The following GALNT14 variants were observed in gnomAD, a reference collection of about 807,000 sequenced individuals.
GALNT14 encodes polypeptide N-acetylgalactosaminyltransferase 14.
Under a neutral mutation model 77.5 loss-of-function variants are expected in GALNT14, and 60 were observed. The observed-to-expected ratio is 0.77, with a 90% confidence interval of 0.63 to 0.96. The LOEUF is 0.96. GALNT14 is among the 40% of genes least tolerant of loss of function. The pLI, the probability that GALNT14 is intolerant of heterozygous loss-of-function variation, is 0.00. For missense variants in GALNT14, 710 were observed against 731.0 expected, an observed-to-expected ratio of 0.97 and a Z score of 0.33; for synonymous variants, 280 against 281.7, an observed-to-expected ratio of 0.99 and a Z score of 0.06.
chr2:30,913,525 T>A (rs1364488265), intron 13 of GALNT14, among the ~76,000 whole-genome samples: 1 of 152,140 alleles, frequency 6.6e-6, no homozygotes, highest in African/African-American at 2.4e-5. Context: ...CTGACCTCCA[T>A]GGGCTGCTGA....
the GALNT14 span, among the ~76,000 whole-genome samples, chr2:30,890,684 C>G: frequency 4.6e-5 from 7 of 152,310 alleles, no homozygotes; most frequent in South Asian, 1.5e-3. Flanking sequence ...TATTTCAGTG[C>G]GAAACCTCCC....
intron 6 of GALNT14, among the ~76,000 whole-genome samples, chr2:30,950,377 A>G (rs1003630103): frequency 1.3e-5 from 2 of 152,242 alleles, no homozygotes; most frequent in Non-Finnish European, 2.9e-5. Context: ...GGAAAACACC[A>G]GCTGAGGACA....
At chr2:31,096,726 A>G (rs1184607086) in intron 1 of GALNT14, among the ~76,000 whole-genome samples, 1 of 152,206 alleles carries the variant, frequency 6.6e-6, no homozygotes, top group Non-Finnish European at 1.5e-5. Context: ...GAGTCTTCTG[A>G]TAATACATGC....
At chr2:30,989,577 T>TATATATATATATATATATATATATAC (rs1407487990) in intron 2 of GALNT14, among the ~76,000 whole-genome samples, 3 of 128,040 alleles carry the variant, frequency 2.3e-5, no homozygotes, top group African/African-American at 1.0e-4. Context: ...TATATATATA[T>TATATATATATATATATATATATATAC]ATATAAAAAT....
intron 1 of GALNT14, among the ~76,000 whole-genome samples, chr2:31,084,686 G>A (rs575079739): frequency 3.9e-5 from 6 of 152,254 alleles, no homozygotes; most frequent in South Asian, 2.1e-4. Flanking sequence ...AACCTCAGTC[G>A]CTTCATCTAA....
chr2:31,093,355 AAG>A (rs1337313909), intron 1 of GALNT14, among the ~76,000 whole-genome samples: 3 of 152,192 alleles, frequency 2.0e-5, no homozygotes, highest in African/African-American at 7.2e-5. Context: ...CATTTTGCAG[AAG>A]CTAGCTTGAG....
At chr2:31,127,349 T>C (rs1442945128) in intron 1 of GALNT14, among the ~76,000 whole-genome samples, 3 of 152,264 alleles carry the variant, frequency 2.0e-5, no homozygotes, top group Non-Finnish European at 4.4e-5. Flanking sequence ...AAGGATTTTA[T>C]ATTTATAAAT....
intron 1 of GALNT14, among the ~76,000 whole-genome samples, chr2:31,111,795 T>C (rs1007357421): frequency 6.6e-6 from 1 of 152,202 alleles, no homozygotes; most frequent in Non-Finnish European, 1.5e-5. Flanking sequence ...GTTAGTCATA[T>C]TTTTCTATGC....
chr2:31,066,417 G>A (rs1674968650), intron 1 of GALNT14, among the ~76,000 whole-genome samples: 3 of 150,470 alleles, frequency 2.0e-5, no homozygotes, highest in South Asian at 2.2e-4. Flanking sequence ...GGGGGCGGGG[G>A]GCGGGGGGGT....
At chr2:31,008,574 A>C (rs1025727058) in intron 1 of GALNT14, among the ~76,000 whole-genome samples, 1 of 152,028 alleles carries the variant, frequency 6.6e-6, no homozygotes, top group African/African-American at 2.4e-5. Flanking sequence ...CTCTCAGCAC[A>C]TTAAGCATTA....
At chr2:31,006,108 C>T (rs1351651608) in intron 1 of GALNT14, among the ~76,000 whole-genome samples, 8 of 152,178 alleles carry the variant, frequency 5.3e-5, no homozygotes, top group Non-Finnish European at 1.2e-4. Context: ...TTCTCCATGC[C>T]TCCCAGGACT....
chr2:31,035,596 C>G (rs1233456487), intron 1 of GALNT14, among the ~76,000 whole-genome samples: 1 of 86,294 alleles, frequency 1.2e-5, no homozygotes, highest in African/African-American at 5.2e-5. Context: ...TATACATATA[C>G]ATATACACAC....
chr2:30,998,447 G>A (rs907950849), intron 1 of GALNT14, among the ~76,000 whole-genome samples: 1 of 152,076 alleles, frequency 6.6e-6, no homozygotes, highest in African/African-American at 2.4e-5. Flanking sequence ...GGTACTACTA[G>A]TTCTCTCTTA....
intron 13 of GALNT14, among the ~76,000 whole-genome samples, chr2:30,919,441 G>A (rs1664898472): frequency 6.6e-6 from 1 of 152,190 alleles, no homozygotes; most frequent in African/African-American, 2.4e-5. Flanking sequence ...TCAACAACGA[G>A]GACGCCCCAG....
intron 9 of GALNT14, among the ~76,000 whole-genome samples, chr2:30,941,550 T>C (rs11888138): frequency 0.12 from 17,768 of 152,262 alleles, 1,331 homozygotes; most frequent in Non-Finnish European, 0.16. Flanking sequence ...TGGGTCTTTC[T>C]GACTGTGCTG....
chr2:31,105,345 T>C (rs1278388992), intron 1 of GALNT14, among the ~76,000 whole-genome samples: 2 of 152,218 alleles, frequency 1.3e-5, no homozygotes, highest in African/African-American at 2.4e-5. Flanking sequence ...CCTGACTTTC[T>C]GGCAAGACAA....
chr2:30,991,971 G>A (rs1354611383), intron 2 of GALNT14, among the ~76,000 whole-genome samples: 5 of 152,160 alleles, frequency 3.3e-5, no homozygotes, highest in African/African-American at 1.2e-4. Context: ...CAGTACCACA[G>A]CTTCTCAGCA....
intron 1 of GALNT14, among the ~76,000 whole-genome samples, chr2:31,032,004 C>T (rs181955781): frequency 4.6e-5 from 7 of 152,224 alleles, no homozygotes; most frequent in Non-Finnish European, 8.8e-5. Flanking sequence ...CTGCAGAGGA[C>T]CTGCCTCCAC....
chr2:31,079,022 A>G, intron 1 of GALNT14: 1 of 1,287,212 alleles, frequency 7.8e-7, no homozygotes, highest in Non-Finnish European at 1.0e-6. Context: ...TGCATTCAGA[A>G]CGAAATGGGT....
Sources: allele counts gnomAD v4.1 joint callset (sites outside exome capture counted in the v4.1 genomes callset), GRCh38; gene constraint gnomAD v4.1.1; transcripts MANE v1.5; gene names NCBI Gene and HGNC (gene_info 2026-07-23, HGNC 2026-07-21).